Variants in ADGRL4 observed in about 807,000 individuals in gnomAD.
The protein encoded by ADGRL4 is EGF, latrophilin and seven transmembrane domain containing 1.
Under a neutral mutation model 74.8 loss-of-function variants are expected in ADGRL4, and 90 were observed. The ratio of observed to expected loss-of-function variants is 1.20; its 90% CI spans 1.02 to 1.43. The LOEUF (loss-of-function observed/expected upper bound fraction) is 1.43, where lower values mean the gene tolerates loss of function less well. Ranked by LOEUF, ADGRL4 falls within the 40% of genes most tolerant of loss-of-function variation. ADGRL4 has a pLI of 0.00. For synonymous variants in ADGRL4, 311 were observed against 279.2 expected (o/e 1.11, Z -1.14); for missense variants, 881 against 814.3 (o/e 1.08, Z -1.00).
intron 2 of ADGRL4, among the ~76,000 whole-genome samples, chr1:79,004,627 T>TA (rs368909231): frequency 1.1e-4 from 17 of 152,224 alleles, no homozygotes; most frequent in African/African-American, 4.1e-4. Context: ...ATGAATCTCT[T>TA]AATATCATCT....
intron 2 of ADGRL4, among the ~76,000 whole-genome samples, chr1:78,954,027 T>A (rs1649780811): frequency 6.6e-6 from 1 of 152,064 alleles, no homozygotes; most frequent in African/African-American, 2.4e-5. Flanking sequence ...ATGCCTGTAA[T>A]CTCAGCTACT....
intron 12 of ADGRL4, among the ~76,000 whole-genome samples, chr1:78,896,249 A>C (rs552578836): frequency 5.3e-5 from 8 of 152,120 alleles, no homozygotes; most frequent in African/African-American, 1.9e-4. Context: ...TCCCTTCATT[A>C]TTTGATCTAC....
At chr1:78,951,483 A>G (rs2100699609) in intron 2 of ADGRL4, among the ~76,000 whole-genome samples, 1 of 152,300 alleles carries the variant, frequency 6.6e-6, no homozygotes, top group South Asian at 2.1e-4. Context: ...ATATATTTTC[A>G]AAATATCTGT....
chr1:78,924,622 C>T (rs1649075323), intron 8 of ADGRL4, among the ~76,000 whole-genome samples: 1 of 151,878 alleles, frequency 6.6e-6, no homozygotes, highest in Non-Finnish European at 1.5e-5. Context: ...CATGTTTGAA[C>T]GTTTTGAAAA....
Position 78,917,964 on chromosome 1 carries a change from A to C in ADGRL4, c.1548T>G (p.Tyr516Ter), listed in dbSNP as rs1474742139. 1.9e-6 allele frequency: 3 copies of C among 1,612,698 alleles called. No individual in the cohort carries two copies. The highest frequency in any genetic ancestry group is 2.2e-5 in the East Asian group (1 of 44,804). The stretch of plus-strand genomic sequence containing the variant: ...TGTAGATGACACCCACAACAATGAG[A>C]TAGAGATGTATGCCTTCAATGCACA... ...AWMCIEGIHLYLIVVGVIYNK... is the reference protein window; with the variant it reads ...AWMCIEGIHL Residue 516 changes from tyrosine (Y) to a stop codon, truncating the protein, a stop_gained, in exon 11 of 15, where the codon TAT becomes TAG. Coordinates refer to ENST00000370742, the MANE Select transcript of ADGRL4 (RefSeq NM_022159.4). LOFTEE classifies it high-confidence loss of function.
chr1:78,921,639 T>C lies in ADGRL4; in HGVS notation c.1231A>G (p.Ile411Val). Reference protein sequence around the residue: ...CRCNHLTHFAILMSSGPSIGI... With the variant: ...CRCNHLTHFAVLMSSGPSIGI... ...ATGGAAGGACCAGAGGACATCAAAA[T>C]TGCAAAATGTGTCAGGTGATTACAG... The change falls in exon 9 of 15, where the codon ATT becomes GTT. Residue 411 changes from isoleucine to valine, a missense_variant. By Grantham distance (29) the Ile-to-Val change is conservative (BLOSUM62 3). Coordinates refer to ENST00000370742, the MANE Select transcript of ADGRL4 (RefSeq NM_022159.4). 5 of 1,579,782 alleles carry C rather than the reference T, an allele frequency of 3.2e-6. No individual in the cohort carries two copies. The highest frequency in any genetic ancestry group is 4.3e-6 in the Non-Finnish European group (5 of 1,164,286).
intron 12 of ADGRL4, among the ~76,000 whole-genome samples, chr1:78,902,060 G>T (rs1648532219): frequency 6.6e-6 from 1 of 152,138 alleles, no homozygotes; most frequent in South Asian, 2.1e-4. Flanking sequence ...TTAATAGATT[G>T]CTCTGGGATA....
chr1:78,977,790 C>T (rs969316070), intron 2 of ADGRL4, among the ~76,000 whole-genome samples: 3 of 151,550 alleles, frequency 2.0e-5, no homozygotes, highest in Admixed American at 1.3e-4. Context: ...ATAGCAAATA[C>T]ATTTTAAAAT....
At chr1:78,916,446 C>T (rs1382561821) in intron 12 of ADGRL4, among the ~76,000 whole-genome samples, 2 of 151,792 alleles carry the variant, frequency 1.3e-5, no homozygotes, top group Non-Finnish European at 2.9e-5. Context: ...ATTTTATATT[C>T]TTATGTGGGT....
chr1:78,982,967 A>T (rs372563530), intron 2 of ADGRL4, among the ~76,000 whole-genome samples: 3 of 151,826 alleles, frequency 2.0e-5, no homozygotes, highest in Non-Finnish European at 1.5e-5. Flanking sequence ...AGGAAAAATA[A>T]AATAAAATTA....
intron 3 of ADGRL4, among the ~76,000 whole-genome samples, chr1:78,944,048 A>G (rs1489322954): frequency 1.3e-5 from 2 of 151,858 alleles, no homozygotes; most frequent in Non-Finnish European, 2.9e-5. Context: ...CCTCCATAAA[A>G]TGTTGCCATT....
chr1:78,908,546 A>G (rs1377177408), intron 12 of ADGRL4, among the ~76,000 whole-genome samples: 5 of 151,988 alleles, frequency 3.3e-5, no homozygotes, highest in Admixed American at 2.0e-4. Context: ...TTTTATTTGC[A>G]TGTATTACAG....
chr1:78,953,878 G>T (rs1489965850), intron 2 of ADGRL4, among the ~76,000 whole-genome samples: 1 of 152,226 alleles, frequency 6.6e-6, no homozygotes, highest in Admixed American at 6.5e-5. Flanking sequence ...GCCAGGCTAG[G>T]TTGCTCAGGC....
chr1:78,928,343 C>T (rs1649161180), intron 7 of ADGRL4, among the ~76,000 whole-genome samples: 1 of 151,386 alleles, frequency 6.6e-6, no homozygotes, highest in Non-Finnish European at 1.5e-5. Context: ...TGTCCATTCC[C>T]AGGGTTTTGA....
rs575303028 is a variant in ADGRL4 at position 78,999,571 on chromosome 1, T to TTAAA, written c.172+5495_172+5498dup. 2.5e-3 allele frequency among the ~76,000 whole-genome samples: 373 copies of TTAAA among 152,100 alleles called. 3 individuals carry two copies. Among genetic ancestry groups the TTAAA allele is most frequent in the South Asian group, 4.8e-3 (23 of 4,822 alleles). The stretch of plus-strand genomic sequence containing the variant: ...TTGGGCGACAGAGCGAGACTCCGTC[T>TTAAA]TAAATAAATAAATAAATAAATAGAA... On this transcript the variant is annotated intron_variant, in intron 2 of 14. Coordinates refer to ENST00000370742, the MANE Select transcript of ADGRL4 (RefSeq NM_022159.4).
chr1:78,981,648 C>T (rs1650399484), intron 2 of ADGRL4, among the ~76,000 whole-genome samples: 1 of 151,556 alleles, frequency 6.6e-6, no homozygotes. Flanking sequence ...ATTTTAATTT[C>T]AAAAAAGTCC....
intron 9 of ADGRL4, among the ~76,000 whole-genome samples, 200 bp downstream of exon 9, chr1:78,921,413 T>C (rs570689570): frequency 6.8e-6 from 1 of 147,788 alleles, no homozygotes; most frequent in African/African-American, 2.5e-5. Context: ...GAAATAATCT[T>C]AAATGCATAC....
At chr1:79,000,227 C>T (rs553907434) in intron 2 of ADGRL4, among the ~76,000 whole-genome samples, 4 of 152,176 alleles carry the variant, frequency 2.6e-5, no homozygotes, top group Non-Finnish European at 4.4e-5. Flanking sequence ...GTTTCATTAT[C>T]GGTTACTTGG....
chr1:78,966,680 C>T (rs370591775), intron 2 of ADGRL4, among the ~76,000 whole-genome samples: 13 of 152,138 alleles, frequency 8.5e-5, no homozygotes, highest in Non-Finnish European at 1.2e-4. Context: ...GGGAATGCCA[C>T]GCATTCACAT....
Sources: gnomAD v4.1 joint callset for allele counts (sites outside exome capture counted in the v4.1 genomes callset) on GRCh38, gnomAD v4.1.1 for gene constraint, MANE v1.5 for transcripts, NCBI Gene and HGNC (gene_info 2026-07-23, HGNC 2026-07-21) for gene names.